PDE1C: variants seen among roughly 807,000 people sequenced by gnomAD.
PDE1C encodes phosphodiesterase 1C.
Under a neutral mutation model 93.1 loss-of-function variants are expected in PDE1C, and 62 were observed. The ratio of observed to expected loss-of-function variants is 0.67; its 90% CI spans 0.54 to 0.82. PDE1C has a LOEUF of 0.82. Ranked by LOEUF, PDE1C falls within the 40% of genes least tolerant of loss-of-function variation. The probability of loss-of-function intolerance (pLI) is 0.00; values close to 1 mark genes in which losing one functional copy is unlikely to be tolerated. For synonymous variants in PDE1C, 325 were observed against 310.1 expected (o/e 1.05, Z -0.50); for missense variants, 742 against 884.6 (o/e 0.84, Z 2.04).
intron 1 of PDE1C, among the ~76,000 whole-genome samples, chr7:32,270,265 C>T (rs1377287333): frequency 2.7e-5 from 4 of 149,366 alleles, no homozygotes; most frequent in Admixed American, 6.7e-5. Flanking sequence ...TTTCTTTTGG[C>T]GCAACTGTGT....
intron 3 of PDE1C, among the ~76,000 whole-genome samples, chr7:32,126,268 T>A (rs32302): frequency 6.6e-6 from 1 of 151,868 alleles, no homozygotes; most frequent in Non-Finnish European, 1.5e-5. Context: ...TCAATGCAAC[T>A]CTATGAAATA....
At chr7:31,987,733 G>A (rs1463275862) in intron 2 of PDE1C, among the ~76,000 whole-genome samples, 2 of 152,204 alleles carry the variant, frequency 1.3e-5, no homozygotes, top group Non-Finnish European at 1.5e-5. Flanking sequence ...CTTAAAAGAA[G>A]TTATTTCTGG....
chr7:32,367,355 G>C (rs1784247601), intron 1 of PDE1C, among the ~76,000 whole-genome samples: 1 of 152,012 alleles, frequency 6.6e-6, no homozygotes, highest in African/African-American at 2.4e-5. Flanking sequence ...AAGAAACAAA[G>C]GACATATAAA....
chr7:31,829,835 G>A (rs148862448), intron 11 of PDE1C, among the ~76,000 whole-genome samples: 1,987 of 152,276 alleles, frequency 0.013, 99 homozygotes, highest in Admixed American at 0.1. Context: ...TGTAGAAAAG[G>A]AAGTGCATTT....
chr7:31,780,340 T>C (rs1315807260), intron 16 of PDE1C, among the ~76,000 whole-genome samples: 1 of 152,218 alleles, frequency 6.6e-6, no homozygotes, highest in Non-Finnish European at 1.5e-5. Context: ...TTTATTTCCA[T>C]TTAAACTTAA....
intron 1 of PDE1C, among the ~76,000 whole-genome samples, chr7:32,359,299 C>A (rs999442740): frequency 1.3e-5 from 2 of 152,170 alleles, no homozygotes; most frequent in Admixed American, 6.5e-5. Context: ...ACTGAGGTGT[C>A]TTTTCCCCTA....
At chr7:32,410,777 T>C (rs1282019990) in intron 1 of PDE1C, among the ~76,000 whole-genome samples, 1 of 152,164 alleles carries the variant, frequency 6.6e-6, no homozygotes. Context: ...GGGCACCTCC[T>C]TCTCCAGGTT....
At chr7:31,749,536 C>T (rs535813527), downstream of PDE1C, among the ~76,000 whole-genome samples, 30 of 152,182 alleles carry the variant, frequency 2.0e-4, no homozygotes, top group African/African-American at 6.5e-4. Context: ...TGAGCTTCTA[C>T]GCCTTGAAAA....
intron 1 of PDE1C, among the ~76,000 whole-genome samples, chr7:32,304,434 G>A (rs957601071): frequency 4.6e-5 from 7 of 152,132 alleles, no homozygotes; most frequent in African/African-American, 1.7e-4. Flanking sequence ...ATGGGATTGG[G>A]GTAGGACAGC....
the PDE1C span, among the ~76,000 whole-genome samples, chr7:31,728,025 C>G: frequency 5.3e-4 from 81 of 152,252 alleles, no homozygotes; most frequent in Non-Finnish European, 1.0e-3. Context: ...GCTTGGGTGA[C>G]AGAGCAAGAC....
rs547757592 is a variant in PDE1C, at chr7:32,115,917, C to T, written c.308+53868G>A. On this transcript the variant is annotated intron_variant, in intron 3 of 18. Coordinates refer to the PDE1C transcript ENST00000396193. Reference sequence around the variant, plus strand: ...CCAGGGGAAAGATGTGACTTGTCAGCAATCCATCACACAAAGTTGTGCATG... The same window carrying T: ...CCAGGGGAAAGATGTGACTTGTCAGTAATCCATCACACAAAGTTGTGCATG... Among the ~76,000 whole-genome samples, 146 of 152,218 alleles carry T rather than the reference C, an allele frequency of 9.6e-4. 1 individual carries two copies. Among genetic ancestry groups the T allele is most frequent in the Admixed American group, 2.6e-3 (39 of 15,292 alleles).
intron 1 of PDE1C, among the ~76,000 whole-genome samples, chr7:32,406,231 C>T (rs1009759611): frequency 3.9e-5 from 6 of 152,216 alleles, no homozygotes; most frequent in African/African-American, 1.4e-4. Context: ...CACCACACTT[C>T]TTAAGCTCTA....
chr7:32,216,941 C>A (rs983584046), intron 1 of PDE1C, among the ~76,000 whole-genome samples: 1 of 152,092 alleles, frequency 6.6e-6, no homozygotes, highest in South Asian at 2.1e-4. Flanking sequence ...AGGGTACCAG[C>A]CTGCAGGCAA....
intron 1 of PDE1C, among the ~76,000 whole-genome samples, chr7:32,257,980 C>G (rs1285046029): frequency 3.9e-5 from 6 of 152,252 alleles, no homozygotes; most frequent in African/African-American, 1.4e-4. Context: ...TCTACCTGCT[C>G]AGGCAAATTG....
At chr7:32,058,551 A>G (rs963747904) in intron 1 of PDE1C, among the ~76,000 whole-genome samples, 1 of 152,214 alleles carries the variant, frequency 6.6e-6, no homozygotes, top group Non-Finnish European at 1.5e-5. Context: ...GGATATCTCT[A>G]GAAACTTCTA....
At chr7:32,251,964 G>A (rs1006194335) in intron 1 of PDE1C, among the ~76,000 whole-genome samples, 8 of 152,130 alleles carry the variant, frequency 5.3e-5, no homozygotes, top group African/African-American at 1.9e-4. Flanking sequence ...TCCCCCTGTG[G>A]TTGTAAAGAT....
intron 3 of PDE1C, among the ~76,000 whole-genome samples, chr7:32,099,034 G>T (rs558964637): frequency 5.3e-5 from 8 of 152,094 alleles, no homozygotes; most frequent in Non-Finnish European, 5.9e-5. Context: ...TATATATTTT[G>T]CCACATTAAA....
At chr7:31,767,265 C>T (rs1795205102) in intron 17 of PDE1C, among the ~76,000 whole-genome samples, 1 of 152,116 alleles carries the variant, frequency 6.6e-6, no homozygotes, top group African/African-American at 2.4e-5. Context: ...TGGTTTGGAT[C>T]TGTGTCTCAT....
intron 17 of PDE1C, among the ~76,000 whole-genome samples, chr7:31,766,874 A>T (rs1795179252): frequency 6.6e-6 from 1 of 152,226 alleles, no homozygotes; most frequent in South Asian, 2.1e-4. Context: ...AAAGTGGATG[A>T]AGGTTTTCAA....
Sources: gnomAD v4.1 joint callset for allele counts (sites outside exome capture counted in the v4.1 genomes callset) on GRCh38, gnomAD v4.1.1 for gene constraint, MANE v1.5 for transcripts, NCBI Gene and HGNC (gene_info 2026-07-23, HGNC 2026-07-21) for gene names.